Variants in RHBDD1 observed in about 807,000 individuals in gnomAD.
The protein encoded by RHBDD1 is rhomboid domain containing 1, also known as rhomboid-related protein 4.
Under a neutral mutation model 36.3 loss-of-function variants are expected in RHBDD1, and 38 were observed. The observed-to-expected ratio is 1.05, with a 90% confidence interval of 0.81 to 1.37. The LOEUF is 1.37. Among genes scored for constraint, RHBDD1 ranks in the 40% most tolerant of loss-of-function variants. The pLI is 0.00. For missense variants in RHBDD1, 393 were observed against 377.6 expected, an observed-to-expected ratio of 1.04 and a Z score of -0.34; for synonymous variants, 151 against 136.5, an observed-to-expected ratio of 1.11 and a Z score of -0.74.
upstream of RHBDD1, among the ~76,000 whole-genome samples, chr2:226,831,822 T>C (rs376768307): frequency 9.2e-5 from 14 of 152,354 alleles, no homozygotes; most frequent in East Asian, 2.5e-3. Context: ...CATTGTCTAA[T>C]TTATTGGCAC....
intron 3 of RHBDD1, among the ~76,000 whole-genome samples, chr2:226,860,417 G>T (rs1258972954): frequency 6.6e-6 from 1 of 152,174 alleles, no homozygotes; most frequent in African/African-American, 2.4e-5. Flanking sequence ...TGGTCTTTCA[G>T]ATAGCACAGC....
At chr2:226,888,269 T>G (rs959918813) in intron 5 of RHBDD1, among the ~76,000 whole-genome samples, 1 of 152,208 alleles carries the variant, frequency 6.6e-6, no homozygotes, top group African/African-American at 2.4e-5. Context: ...ATGCTATAAT[T>G]GAGTGTTCTC....
chr2:226,889,859 C>T (rs1946547298), intron 5 of RHBDD1, among the ~76,000 whole-genome samples: 2 of 152,320 alleles, frequency 1.3e-5, no homozygotes, highest in African/African-American at 4.8e-5. Context: ...TTCCTCCTAG[C>T]TCTGTACTTC....
chr2:226,851,044 C>T (rs1209958826), intron 3 of RHBDD1, among the ~76,000 whole-genome samples: 1 of 152,086 alleles, frequency 6.6e-6, no homozygotes, highest in Non-Finnish European at 1.5e-5. Context: ...GAAGTGTGCC[C>T]TATGCCTTTC....
intron 7 of RHBDD1, among the ~76,000 whole-genome samples, chr2:226,910,382 G>T (rs1291421730): frequency 6.6e-6 from 1 of 152,120 alleles, no homozygotes; most frequent in Non-Finnish European, 1.5e-5. Flanking sequence ...GCTACTTAAG[G>T]CCAGGTGGCT....
chr2:226,937,234 A>G (rs1326667246), intron 8 of RHBDD1, among the ~76,000 whole-genome samples: 1 of 152,148 alleles, frequency 6.6e-6, no homozygotes, highest in African/African-American at 2.4e-5. Flanking sequence ...TTACAATAGC[A>G]ATCAATCTTA....
chr2:226,956,531 A>AGTTGTT (rs373150000), intron 8 of RHBDD1, among the ~76,000 whole-genome samples: 1 of 152,010 alleles, frequency 6.6e-6, no homozygotes, highest in African/African-American at 2.4e-5. Context: ...GGAAGATAAA[A>AGTTGTT]GTTGTTGTTG....
intron 5 of RHBDD1, chr2:226,895,567 C>T (rs936297734): frequency 1.9e-6 from 1 of 537,266 alleles, no homozygotes; most frequent in Non-Finnish European, 2.4e-6. Context: ...CCTCTGTGCC[C>T]AATTAAGGGA....
At chr2:226,902,900 C>T (rs1411839597) in intron 5 of RHBDD1, among the ~76,000 whole-genome samples, 2 of 152,136 alleles carry the variant, frequency 1.3e-5, no homozygotes, top group Non-Finnish European at 2.9e-5. Flanking sequence ...CTGTATTGTA[C>T]TCTAAATTGT....
intron 3 of RHBDD1, among the ~76,000 whole-genome samples, chr2:226,847,998 G>T (rs940624096): frequency 2.6e-5 from 4 of 152,206 alleles, no homozygotes; most frequent in Admixed American, 2.6e-4. Context: ...GTAGGAGAAA[G>T]TTGGAGAAGG....
At chr2:226,929,179 C>T (rs1316265263) in intron 8 of RHBDD1, among the ~76,000 whole-genome samples, 1 of 151,956 alleles carries the variant, frequency 6.6e-6, no homozygotes, top group Non-Finnish European at 1.5e-5. Flanking sequence ...ACACCAAAGC[C>T]ACAAAAGGAC....
rs150337903 is a variant in RHBDD1, at chr2:226,938,712, A to G, written c.856+24361A>G. Among the ~76,000 whole-genome samples, 9 of 152,140 alleles carry G rather than the reference A, an allele frequency of 5.9e-5. No individual in the cohort carries two copies. The East Asian group carries it at 1.5e-3, about 26-fold the overall frequency. ...AGAGATACAAAGAAGAGCTGGTACCATTCCTGTTGAAACTATTACAAAAAA... is the reference window on the plus strand; with the variant it reads ...AGAGATACAAAGAAGAGCTGGTACCGTTCCTGTTGAAACTATTACAAAAAA... On this transcript the variant is annotated intron_variant, in intron 8 of 8. Coordinates refer to ENST00000392062, the MANE Select transcript of RHBDD1 (RefSeq NM_001167608.3).
At chr2:226,987,302 C>T (rs1212151886) in intron 8 of RHBDD1, among the ~76,000 whole-genome samples, 3 of 152,048 alleles carry the variant, frequency 2.0e-5, no homozygotes, top group South Asian at 2.1e-4. Flanking sequence ...TGTAACAAAC[C>T]TGCATGTTCT....
chr2:226,880,694 T>C (rs1945651231), intron 5 of RHBDD1, among the ~76,000 whole-genome samples: 1 of 152,212 alleles, frequency 6.6e-6, no homozygotes, highest in South Asian at 2.1e-4. Context: ...AGAGCACAAC[T>C]GGGGACACAT....
intron 8 of RHBDD1, among the ~76,000 whole-genome samples, chr2:226,982,163 G>A (rs1265617123): frequency 6.6e-6 from 1 of 152,202 alleles, no homozygotes; most frequent in African/African-American, 2.4e-5. Flanking sequence ...GAGGTTCCCA[G>A]TGATTCCCTC....
At chr2:226,844,045 T>C (rs1941951963) in intron 3 of RHBDD1, among the ~76,000 whole-genome samples, 1 of 152,156 alleles carries the variant, frequency 6.6e-6, no homozygotes, top group African/African-American at 2.4e-5. Flanking sequence ...TCTTCTAGAT[T>C]TTCTGGTTTA....
At chr2:226,857,683 C>G (rs1183731791) in intron 3 of RHBDD1, among the ~76,000 whole-genome samples, 4 of 152,036 alleles carry the variant, frequency 2.6e-5, no homozygotes, top group African/African-American at 9.7e-5. Context: ...ATACAAAAGG[C>G]CATGTATTGT....
At chr2:226,888,307 A>G (rs776726798) in intron 5 of RHBDD1, among the ~76,000 whole-genome samples, 64 of 152,336 alleles carry the variant, frequency 4.2e-4, no homozygotes, top group Non-Finnish European at 7.8e-4. Context: ...AATAAAATCT[A>G]CAACTTCAGA....
chr2:226,948,414 T>G, intron 8 of RHBDD1, among the ~76,000 whole-genome samples: 1 of 49,648 alleles, frequency 2.0e-5, no homozygotes, highest in African/African-American at 7.7e-5. Flanking sequence ...CTGGGGACTG[T>G]GGTGGGGTAG....
Sources: gnomAD v4.1 joint callset for allele counts (sites outside exome capture counted in the v4.1 genomes callset) on GRCh38, gnomAD v4.1.1 for gene constraint, MANE v1.5 for transcripts, NCBI Gene and HGNC (gene_info 2026-07-23, HGNC 2026-07-21) for gene names.